The following VIT variants were observed in gnomAD, a reference collection of about 807,000 sequenced individuals.
VIT encodes vitrin.
In VIT, 99 loss-of-function variants were observed where a neutral mutation model predicts 78.0. The observed-to-expected ratio is 1.27, with a 90% CI of 1.08 to 1.50. VIT has a LOEUF of 1.50. Among genes scored for constraint, VIT ranks in the 40% most tolerant of loss-of-function variants. The pLI is 0.00. For missense variants in VIT, 1,126 were observed against 875.3 expected (o/e 1.29, Z -3.61); for synonymous variants, 374 against 334.3 (o/e 1.12, Z -1.29).
intron 7 of VIT, among the ~76,000 whole-genome samples, chr2:36,771,537 AGAAAAAG>A (rs1669760078): frequency 6.7e-6 from 1 of 148,630 alleles, no homozygotes; most frequent in African/African-American, 2.6e-5. Flanking sequence ...AAAAAAAAAA[AGAAAAAG>A]AAAAAGAAAA....
At chr2:36,773,991 C>A in intron 8 of VIT, 144 bp downstream of exon 8, 1 of 708,728 alleles carries the variant, frequency 1.4e-6, no homozygotes, top group Non-Finnish European at 2.1e-6. Flanking sequence ...CACTCAAGGG[C>A]CCAACTTCTA....
chr2:36,703,276 A>G (rs1159089766), intron 1 of VIT, among the ~76,000 whole-genome samples: 1 of 152,124 alleles, frequency 6.6e-6, no homozygotes, highest in African/African-American at 2.4e-5. Flanking sequence ...CTTAAAGACA[A>G]GTTATAGGCA....
chr2:36,712,234 G>A (rs1665847034), intron 1 of VIT, among the ~76,000 whole-genome samples: 1 of 152,186 alleles, frequency 6.6e-6, no homozygotes, highest in Non-Finnish European at 1.5e-5. Flanking sequence ...AATTGCAGCG[G>A]TGAGAAAGAA....
chr2:36,787,792 C>G (rs1665209422), intron 12 of VIT: 1 of 455,706 alleles, frequency 2.2e-6, no homozygotes, highest in Non-Finnish European at 4.4e-6. Context: ...ACCTTAGGCC[C>G]CTGCACTGGT....
intron 7 of VIT, among the ~76,000 whole-genome samples, chr2:36,768,251 G>C (rs2148588249): frequency 6.6e-6 from 1 of 152,248 alleles, no homozygotes; most frequent in South Asian, 2.1e-4. Flanking sequence ...GGCCAGCATG[G>C]TGAAACCCCA....
chr2:36,814,573 G>A lies in VIT; in HGVS notation c.*212G>A, dbSNP rs1261649761. 1 of 573,138 alleles carries A rather than the reference G, an allele frequency of 1.7e-6. No individual in the cohort carries two copies. The highest frequency in any genetic ancestry group is 1.9e-5 in the African/African-American group (1 of 53,742). 35.5% of individuals were successfully genotyped at this position (573,138 alleles called of 1,614,324 possible). ...ACAAACGTATAGAATGAGCCAAAAG[G>A]CTACATCATGTTGAGGGTGCTGGAG... On this transcript the variant is annotated 3_prime_UTR_variant, in exon 16 of 16. Transcript: ENST00000379242.
intron 4 of VIT, among the ~76,000 whole-genome samples, chr2:36,750,148 A>G (rs1668368744): frequency 1.3e-5 from 2 of 152,248 alleles, no homozygotes; most frequent in Non-Finnish European, 2.9e-5. Flanking sequence ...ACTGAATGCT[A>G]TTTCATAACT....
At chr2:36,708,117 C>CT (rs1003709915) in intron 1 of VIT, among the ~76,000 whole-genome samples, 1 of 148,532 alleles carries the variant, frequency 6.7e-6, no homozygotes, top group Middle Eastern at 3.6e-3. Flanking sequence ...ACCTCCCCCC[C>CT]CCGCCCACCT....
In VIT at chr2:36,720,144, C is replaced by T. The variant is rs900641296; in HGVS notation, c.52+3722C>T. 2.0e-5 allele frequency among the ~76,000 whole-genome samples: 3 copies of T among 152,044 alleles called. No homozygotes were observed. The South Asian group carries it at 6.2e-4, about 32-fold the overall frequency. On this transcript the variant is annotated intron_variant, in intron 2 of 15. Coordinates refer to ENST00000379242, the MANE Select transcript of VIT (RefSeq NM_053276.4). ...TTCACAGAAATTTGGAAAAAAAATTCTAAATTCATATGGAAACAGAAAAGA... is the reference window on the plus strand; with the variant it reads ...TTCACAGAAATTTGGAAAAAAAATTTTAAATTCATATGGAAACAGAAAAGA...
At chr2:36,720,943 G>A (rs1450043409) in intron 2 of VIT, among the ~76,000 whole-genome samples, 2 of 151,986 alleles carry the variant, frequency 1.3e-5, no homozygotes, top group Non-Finnish European at 2.9e-5. Flanking sequence ...CCAGGAGGCA[G>A]AGCTCGCAGT....
Position 36,758,988 on chromosome 2 carries a change from T to C in VIT, c.429T>C (p.Gly143=), listed in dbSNP as rs915968616. The C allele has an allele frequency of 4.3e-6, 7 of 1,613,550 alleles. No homozygotes were observed. The African/African-American group carries it at 9.4e-5, about 22-fold the overall frequency. ...FIVLESKPKK[G]VTYPSALTYS... Reference sequence around the variant, plus strand: ...TTGCAGAAAGTAAACCCAAAAAGGGTGTAACCTACCCATCAGCTCTTACAT... The same window carrying C: ...TTGCAGAAAGTAAACCCAAAAAGGGCGTAACCTACCCATCAGCTCTTACAT... Residue 143 remains glycine (G), a synonymous_variant, in exon 6 of 16, where the codon GGT becomes GGC. Coordinates refer to ENST00000379242, the MANE Select transcript of VIT (RefSeq NM_053276.4).
chr2:36,766,095 G>T (rs144759668), intron 6 of VIT, among the ~76,000 whole-genome samples: 4 of 152,336 alleles, frequency 2.6e-5, no homozygotes, highest in African/African-American at 9.6e-5. Context: ...GTAGCCACTT[G>T]TCCCCTTGCT....
At chr2:36,799,510 CT>C (rs1558584048) in intron 12 of VIT, among the ~76,000 whole-genome samples, 1 of 152,050 alleles carries the variant, frequency 6.6e-6, no homozygotes, top group East Asian at 1.9e-4. Flanking sequence ...TGAGTCCACG[CT>C]TTTAAGACCA....
intron 11 of VIT, 100 bp from the exon 12 acceptor site, chr2:36,787,029 A>G (rs1665142092): frequency 3.4e-6 from 5 of 1,457,518 alleles, no homozygotes; most frequent in East Asian, 4.6e-5. Flanking sequence ...CTTTCTTTTC[A>G]TTTCTCAGGG....
chr2:36,706,624 C>T (rs547314247), intron 1 of VIT, among the ~76,000 whole-genome samples: 1 of 152,130 alleles, frequency 6.6e-6, no homozygotes, highest in Non-Finnish European at 1.5e-5. Flanking sequence ...TTTCAGAATC[C>T]CGATTCCAAA....
chr2:36,795,750 C>CT (rs1381441081), intron 12 of VIT, among the ~76,000 whole-genome samples: 1 of 152,048 alleles, frequency 6.6e-6, no homozygotes, highest in Non-Finnish European at 1.5e-5. Context: ...TTTCTGCAGT[C>CT]TTTTTTTAGT....
At chr2:36,706,899 C>T (rs541034433) in intron 1 of VIT, among the ~76,000 whole-genome samples, 40 of 152,170 alleles carry the variant, frequency 2.6e-4, no homozygotes, top group Non-Finnish European at 4.6e-4. Context: ...GAGGAGTTGG[C>T]AGGGTAGAAA....
At position 36,726,818 on chromosome 2, in the gene VIT, C is replaced by CAA. The variant is rs758452109; in HGVS notation, c.53-2584_53-2583dup. Among the ~76,000 whole-genome samples the CAA allele has an allele frequency of 1.3e-4, 15 of 111,602 alleles. 1 individual carries two copies. The highest frequency in any genetic ancestry group is 5.6e-4 in the African/African-American group (14 of 25,148). 73.2% of individuals were successfully genotyped at this position (111,602 alleles called of 152,430 possible). ...TGGGCAACAGAGTGGGACTCTGTCTCAAAAAAAAAAAAAAAAAAAAAAAAA... is the reference window on the plus strand; with the variant it reads ...TGGGCAACAGAGTGGGACTCTGTCTCAAAAAAAAAAAAAAAAAAAAAAAAAAA... On this transcript the variant is annotated intron_variant, in intron 2 of 15. Coordinates refer to ENST00000379242, the MANE Select transcript of VIT (RefSeq NM_053276.4).
At position 36,773,014 on chromosome 2, in the gene VIT, G is replaced by C. The variant is rs530837147; in HGVS notation, c.680-777G>C. The stretch of plus-strand genomic sequence containing the variant: ...CTCAATAAATAATGAATGTTGAAGT[G>C]TGTTTCCTTCGCTCACAGAGTAATT... On this transcript the variant is annotated intron_variant, in intron 7 of 15. Transcript: ENST00000379242. Among the ~76,000 whole-genome samples, 49 of 152,308 alleles carry C rather than the reference G, an allele frequency of 3.2e-4. 1 individual carries two copies. The highest frequency in any genetic ancestry group is 1.1e-3 in the African/African-American group (45 of 41,556).
Sources: allele counts gnomAD v4.1 joint callset (sites outside exome capture counted in the v4.1 genomes callset), GRCh38; gene constraint gnomAD v4.1.1; transcripts MANE v1.5; gene names NCBI Gene and HGNC (gene_info 2026-07-23, HGNC 2026-07-21).